Variants in SCMH1 observed in about 807,000 individuals in gnomAD.
SCMH1 encodes the protein polycomb protein SCMH1.
Under a neutral mutation model 70.8 loss-of-function variants are expected in SCMH1, and 37 were observed. The ratio of observed to expected loss-of-function variants is 0.52; its 90% CI spans 0.40 to 0.69. The LOEUF is 0.69. SCMH1 is among the 30% of genes least tolerant of loss of function. The pLI is 0.00. For synonymous variants in SCMH1, 292 were observed against 307.4 expected, an observed-to-expected ratio of 0.95 and a Z score of 0.52; for missense variants, 607 against 827.3, an observed-to-expected ratio of 0.73 and a Z score of 3.27.
rs566984658 is a variant in SCMH1 at position 41,201,553 on chromosome 1, G to C, written c.-117-15303C>G. Among the ~76,000 whole-genome samples the C allele has an allele frequency of 6.6e-5, 10 of 152,268 alleles. No homozygotes were observed. In the East Asian group the frequency reaches 1.9e-3, roughly 29 times the overall value. Reference sequence around the variant, plus strand: ...ATTGAAATAAGGAACCTTATCAAGTGATATTAGTTGTCTTCCAATGAGCAA... The same window carrying C: ...ATTGAAATAAGGAACCTTATCAAGTCATATTAGTTGTCTTCCAATGAGCAA... On this transcript the variant is annotated intron_variant, in intron 1 of 14. Coordinates refer to ENST00000337495, the Ensembl canonical transcript of SCMH1.
chr1:41,173,889 A>G (rs1306508310), intron 2 of SCMH1, among the ~76,000 whole-genome samples: 1 of 152,174 alleles, frequency 6.6e-6, no homozygotes, highest in Non-Finnish European at 1.5e-5. Context: ...GTTTTTGGTC[A>G]TATGTGGAAG....
chr1:41,029,347 G>A (rs1034859508), intron 13 of SCMH1, among the ~76,000 whole-genome samples: 2 of 152,152 alleles, frequency 1.3e-5, no homozygotes, highest in Non-Finnish European at 2.9e-5. Context: ...TGAGTAGTTG[G>A]GATTACAGGC....
intron 2 of SCMH1, among the ~76,000 whole-genome samples, chr1:41,176,615 G>A (rs1647168034): frequency 6.6e-6 from 1 of 152,214 alleles, no homozygotes; most frequent in African/African-American, 2.4e-5. Flanking sequence ...CCCGCGCCTG[G>A]CTCGGAGGGT....
intron 8 of SCMH1, among the ~76,000 whole-genome samples, chr1:41,100,422 T>C (rs1666263080): frequency 6.6e-6 from 1 of 152,148 alleles, no homozygotes; most frequent in Non-Finnish European, 1.5e-5. Context: ...CCATTATGTC[T>C]TTAAGTTTGG....
At chr1:41,225,711 T>A (rs543976994) in intron 1 of SCMH1, among the ~76,000 whole-genome samples, 1 of 152,214 alleles carries the variant, frequency 6.6e-6, no homozygotes, top group East Asian at 1.9e-4. Flanking sequence ...AAGTAATAAG[T>A]AGTGAAAGGG....
intron 1 of SCMH1, among the ~76,000 whole-genome samples, chr1:41,226,633 A>G (rs1660319592): frequency 1.3e-5 from 2 of 152,272 alleles, no homozygotes. Flanking sequence ...TATATGTTAC[A>G]TTATTTACTG....
chr1:41,221,919 A>AAAAT (rs1659378594), intron 1 of SCMH1, among the ~76,000 whole-genome samples: 1 of 150,488 alleles, frequency 6.6e-6, no homozygotes, highest in African/African-American at 2.4e-5. Context: ...AAAAAAAAAA[A>AAAAT]AAAGCTAGGA....
chr1:41,172,965 C>T (rs369264595), intron 2 of SCMH1, among the ~76,000 whole-genome samples: 17 of 152,080 alleles, frequency 1.1e-4, no homozygotes, highest in African/African-American at 4.1e-4. Context: ...TAAATGAAGG[C>T]CTGAAACTAT....
chr1:41,047,646 C>T (rs1036490365), intron 11 of SCMH1, among the ~76,000 whole-genome samples: 1 of 152,058 alleles, frequency 6.6e-6, no homozygotes, highest in African/African-American at 2.4e-5. Flanking sequence ...AGGTGATCCG[C>T]CCACCTCAGC....
chr1:41,091,513 T>C (rs1175259432), intron 8 of SCMH1, among the ~76,000 whole-genome samples: 1 of 152,162 alleles, frequency 6.6e-6, no homozygotes, highest in Admixed American at 6.5e-5. Flanking sequence ...CTATTCAACA[T>C]AGTGTTGGAA....
intron 1 of SCMH1, among the ~76,000 whole-genome samples, chr1:41,235,574 A>G (rs979143949): frequency 8.6e-5 from 11 of 128,174 alleles, no homozygotes; most frequent in Admixed American, 2.8e-4. Context: ...CCGTCTAAAA[A>G]AAAAAAAAAA....
At chr1:41,176,762 C>T (rs570098176) in intron 2 of SCMH1, among the ~76,000 whole-genome samples, 1 of 152,360 alleles carries the variant, frequency 6.6e-6, no homozygotes, top group East Asian at 1.9e-4. Context: ...GAAGCTCGAA[C>T]TGGGTGGAGC....
At chr1:41,056,205 C>T (rs1323187899) in intron 10 of SCMH1, among the ~76,000 whole-genome samples, 3 of 152,156 alleles carry the variant, frequency 2.0e-5, no homozygotes, top group African/African-American at 4.8e-5. Context: ...ACGCAGCCAC[C>T]ATGGTATGGC....
intron 13 of SCMH1, among the ~76,000 whole-genome samples, chr1:41,036,807 G>T (rs1034881846): frequency 6.6e-6 from 1 of 151,874 alleles, no homozygotes; most frequent in African/African-American, 2.4e-5. Context: ...TATTCATGTT[G>T]CCCCTCTTCC....
intron 1 of SCMH1, among the ~76,000 whole-genome samples, chr1:41,231,070 T>C (rs981533628): frequency 2.0e-5 from 3 of 152,218 alleles, no homozygotes; most frequent in Admixed American, 6.5e-5. Context: ...TAGAATTCTA[T>C]ATACCATGTT....
chr1:41,068,636 C>T (rs1655472075), intron 10 of SCMH1, among the ~76,000 whole-genome samples: 2 of 152,046 alleles, frequency 1.3e-5, no homozygotes, highest in South Asian at 4.2e-4. Context: ...GAATTCCTGG[C>T]CTCAAGTAAT....
In SCMH1 at chr1:41,113,646, T is replaced by C. The variant is rs1669768410; in HGVS notation, c.502-120A>G. On this transcript the variant is annotated intron_variant, in intron 7 of 14. Coordinates refer to ENST00000337495, the Ensembl canonical transcript of SCMH1. This position sits in a 1 kb window ranked among gnomAD's most constrained non-coding sequence, Gnocchi z 4.3. ...CTACATGAGACTTATAATGGATATATAGCCTTTCTTTTAAATTAATTTTAA... is the reference window on the plus strand; with the variant it reads ...CTACATGAGACTTATAATGGATATACAGCCTTTCTTTTAAATTAATTTTAA... The C allele has an allele frequency of 4.5e-6, 4 of 882,786 alleles. No individual in the cohort carries two copies. Among genetic ancestry groups the C allele is most frequent in the South Asian group, 3.8e-5 (1 of 26,538 alleles). The allele number at this position is 882,786 out of a possible 1,614,324, so 54.7% of individuals were successfully genotyped here.
At chr1:41,031,534 CT>C (rs1259169593) in intron 13 of SCMH1, among the ~76,000 whole-genome samples, 1 of 152,166 alleles carries the variant, frequency 6.6e-6, no homozygotes, top group Non-Finnish European at 1.5e-5. Flanking sequence ...TAGTTGGGCA[CT>C]GGGGAGAGGT....
At chr1:41,075,487 C>T (rs1658005708) in intron 8 of SCMH1, 36 bp from the exon 9 acceptor site, 15 of 1,548,552 alleles carry the variant, frequency 9.7e-6, no homozygotes, top group Non-Finnish European at 1.2e-5. Context: ...ACCCTCCCTC[C>T]CCCCTGCATT....
Sources: gnomAD v4.1 joint callset for allele counts (sites outside exome capture counted in the v4.1 genomes callset) on GRCh38, gnomAD v4.1.1 for gene constraint, Gnocchi (gnomAD v3.1) non-coding constraint, MANE v1.5 for transcripts, NCBI Gene and HGNC (gene_info 2026-07-23, HGNC 2026-07-21) for gene names.